The following ULK4 variants were observed in gnomAD, a reference collection of about 807,000 sequenced individuals.
The protein encoded by ULK4 is inactive serine/threonine-protein kinase ULK4.
Under a neutral mutation model 160.6 loss-of-function variants are expected in ULK4, and 133 were observed. The observed-to-expected ratio is 0.83, with a 90% CI of 0.72 to 0.96. ULK4 has a LOEUF of 0.96. Ranked by LOEUF, ULK4 falls within the 40% of genes least tolerant of loss-of-function variation. ULK4 has a pLI of 0.00. For synonymous variants in ULK4, 534 were observed against 539.8 expected (o/e 0.99, Z 0.15); for missense variants, 1,580 against 1,499.5 (o/e 1.05, Z -0.89).
intron 21 of ULK4, among the ~76,000 whole-genome samples, chr3:41,756,244 A>T (rs1407355545): frequency 6.6e-6 from 1 of 152,114 alleles, no homozygotes; most frequent in East Asian, 1.9e-4. Flanking sequence ...TGGCTGTATT[A>T]TTTCTATGCA....
intron 32 of ULK4, among the ~76,000 whole-genome samples, chr3:41,530,439 A>G (rs2086265452): frequency 6.6e-6 from 1 of 152,196 alleles, no homozygotes; most frequent in African/African-American, 2.4e-5. Context: ...TTTTGGTGGT[A>G]TTGACTATGG....
At chr3:41,818,285 A>G (rs2041033692) in intron 19 of ULK4, among the ~76,000 whole-genome samples, 1 of 152,202 alleles carries the variant, frequency 6.6e-6, no homozygotes, top group Admixed American at 6.5e-5. Flanking sequence ...TACACTGTCA[A>G]CAGGATCCCT....
chr3:41,292,937 C>T (rs2079599670), intron 35 of ULK4, among the ~76,000 whole-genome samples: 1 of 151,494 alleles, frequency 6.6e-6, no homozygotes. Flanking sequence ...GAGCAAGACA[C>T]CGTCTCAAAA....
chr3:41,587,415 TC>T (rs1159250526), intron 31 of ULK4, among the ~76,000 whole-genome samples: 1 of 152,154 alleles, frequency 6.6e-6, no homozygotes, highest in Admixed American at 6.5e-5. Context: ...GTCTGCAAAC[TC>T]CCTTTTGGCA....
At chr3:41,940,917 C>T (rs1699932770) in intron 2 of ULK4, among the ~76,000 whole-genome samples, 1 of 152,098 alleles carries the variant, frequency 6.6e-6, no homozygotes, top group African/African-American at 2.4e-5. Context: ...TTTGCTTTCG[C>T]CTTTTAAAAT....
chr3:41,624,291 C>A (rs1258027527), intron 30 of ULK4, among the ~76,000 whole-genome samples: 1 of 152,198 alleles, frequency 6.6e-6, no homozygotes, highest in Admixed American at 6.5e-5. Context: ...CAAGCACATA[C>A]ATCTCAGAGT....
intron 32 of ULK4, among the ~76,000 whole-genome samples, chr3:41,469,136 A>G (rs2083906065): frequency 6.6e-6 from 1 of 152,124 alleles, no homozygotes; most frequent in African/African-American, 2.4e-5. Context: ...GACGATCATC[A>G]CAGCAAATTT....
At chr3:41,751,163 T>C (rs17061431) in intron 22 of ULK4, among the ~76,000 whole-genome samples, 46,845 of 151,836 alleles carry the variant, frequency 0.31, 10,396 homozygotes, top group African/African-American at 0.63. Flanking sequence ...CCAATCAGGA[T>C]GGGTGTGGCA....
intron 29 of ULK4, among the ~76,000 whole-genome samples, chr3:41,669,930 G>A (rs1464152517): frequency 1.3e-5 from 2 of 152,212 alleles, no homozygotes; most frequent in African/African-American, 2.4e-5. Context: ...CACCAGGAAT[G>A]AAGAAACCAT....
chr3:41,798,663 GA>G (rs1282673373), intron 20 of ULK4, among the ~76,000 whole-genome samples: 1 of 152,022 alleles, frequency 6.6e-6, no homozygotes, highest in Non-Finnish European at 1.5e-5. Context: ...AAGTGGGCCG[GA>G]AAAGAGCAAC....
chr3:41,550,346 A>G (rs1254160066), intron 32 of ULK4, among the ~76,000 whole-genome samples: 1 of 152,108 alleles, frequency 6.6e-6, no homozygotes, highest in Non-Finnish European at 1.5e-5. Flanking sequence ...GGTATAGACT[A>G]GCTGAGTGAA....
intron 35 of ULK4, among the ~76,000 whole-genome samples, chr3:41,332,548 T>C (rs1278163119): frequency 6.6e-6 from 1 of 152,222 alleles, no homozygotes; most frequent in African/African-American, 2.4e-5. Context: ...TGGCAGGCAA[T>C]ATAAAAGTCA....
chr3:41,785,525 C>CT (rs1194726320), intron 21 of ULK4, among the ~76,000 whole-genome samples: 1 of 152,138 alleles, frequency 6.6e-6, no homozygotes, highest in Admixed American at 6.5e-5. Context: ...GAATGGAACT[C>CT]TTTTGGAGAC....
intron 19 of ULK4, among the ~76,000 whole-genome samples, chr3:41,815,070 G>A (rs540933801): frequency 6.6e-6 from 1 of 151,866 alleles, no homozygotes; most frequent in African/African-American, 2.4e-5. Context: ...CACCACGCCC[G>A]ACTAATTTTT....
chr3:41,551,656 G>T (rs1193212701), intron 32 of ULK4, among the ~76,000 whole-genome samples: 1 of 151,810 alleles, frequency 6.6e-6, no homozygotes, highest in Admixed American at 6.6e-5. Context: ...AAAAGTCCAG[G>T]ACCAGATCAC....
intron 2 of ULK4, among the ~76,000 whole-genome samples, chr3:41,953,927 T>C (rs62257275): frequency 0.023 from 3,494 of 151,804 alleles, 38 homozygotes; most frequent in Middle Eastern, 0.037. Context: ...CTCACACCTG[T>C]AATCCCAGCA....
At chr3:41,444,361 T>TTCTCTCTCTCTCTCTCTC (rs56744200) in intron 34 of ULK4, among the ~76,000 whole-genome samples, 79 of 146,676 alleles carry the variant, frequency 5.4e-4, no homozygotes, top group African/African-American at 1.6e-3. Flanking sequence ...TTTAAGTGAC[T>TTCTCTCTCTCTCTCTCTC]TCTCTCTCTC....
intron 4 of ULK4, among the ~76,000 whole-genome samples, chr3:41,935,201 ATTTATTTATTTTTTTTTTTTTTT>A (rs1559660868): frequency 0.011 from 28 of 2,542 alleles, no homozygotes; most frequent in African/African-American, 0.013. Flanking sequence ...GTTTTTATTT[ATTTATTTATTTTTTTTTTTTTTT>A]TTTTTTTTTT....
chr3:41,706,898 T>TAGAGAGAGAG (rs1308593092), intron 25 of ULK4, among the ~76,000 whole-genome samples: 2 of 126,880 alleles, frequency 1.6e-5, no homozygotes, highest in Admixed American at 7.4e-5. Flanking sequence ...TGTATATATA[T>TAGAGAGAGAG]ATAGAGAGAG....
Sources: gnomAD v4.1 joint callset for allele counts (sites outside exome capture counted in the v4.1 genomes callset) on GRCh38, gnomAD v4.1.1 for gene constraint, MANE v1.5 for transcripts, NCBI Gene and HGNC (gene_info 2026-07-23, HGNC 2026-07-21) for gene names.